The following KANSL1 variants were observed in gnomAD, a reference collection of about 807,000 sequenced individuals.
KANSL1 encodes KAT8 regulatory NSL complex subunit 1.
KANSL1 carries 22 observed loss-of-function variants against 103.6 expected under a neutral mutation model. The observed-to-expected ratio is 0.21, with a 90% CI of 0.15 to 0.30. KANSL1 has a LOEUF of 0.30. KANSL1 is among the 10% of genes least tolerant of loss of function. The probability of loss-of-function intolerance (pLI) is 1.00; values close to 1 mark genes in which losing one functional copy is unlikely to be tolerated. For missense variants in KANSL1, 1,337 were observed against 1,399.8 expected (o/e 0.96, Z 0.72); for synonymous variants, 600 against 527.6 (o/e 1.14, Z -1.88).
chr17:46,048,894 T>C (rs2077606418), intron 7 of KANSL1, among the ~76,000 whole-genome samples: 1 of 152,220 alleles, frequency 6.6e-6, no homozygotes, highest in African/African-American at 2.4e-5. Context: ...AAAACTTCTT[T>C]TAAACTTATT....
At chr17:46,098,917 G>A (rs114985269) in intron 2 of KANSL1, among the ~76,000 whole-genome samples, 443 of 152,328 alleles carry the variant, frequency 2.9e-3, no homozygotes, top group African/African-American at 9.9e-3. Flanking sequence ...CATGAGAGGT[G>A]TACAGTTAAC....
rs937131779 is a variant in KANSL1 at position 46,049,059 on chromosome 17, G to A, written c.2020+1474C>T. Among the ~76,000 whole-genome samples the A allele has an allele frequency of 1.3e-5, 2 of 152,224 alleles. 1 individual carries two copies. The highest frequency in any genetic ancestry group is 6.8e-3 in the Middle Eastern group (2 of 294). The stretch of plus-strand genomic sequence containing the variant: ...TTTAGTGGTACCCTCTGGTTTGGTA[G>A]ATCTGTTGCAGTCTTTTTGGAGAAT... On this transcript the variant is annotated intron_variant, in intron 7 of 14. Transcript: ENST00000432791.
At chr17:46,052,963 CCAAAAAAAAAAAAAAAAAAAAAAAAA>C (rs2077775341) in intron 6 of KANSL1, among the ~76,000 whole-genome samples, 1 of 43,140 alleles carries the variant, frequency 2.3e-5, no homozygotes, top group African/African-American at 1.0e-4. Flanking sequence ...GATCCTGTCT[CCAAAAAAAAAAAAAAAAAAAAAAAAA>C]AAAAAAAAAA....
chr17:46,215,897 C>T (rs912207935), intron 1 of KANSL1, among the ~76,000 whole-genome samples: 11 of 151,940 alleles, frequency 7.2e-5, no homozygotes, highest in African/African-American at 2.4e-4. Flanking sequence ...AAAAACTGGC[C>T]GGACGTGGTG....
chr17:46,065,209 T>A (rs2078334480), intron 6 of KANSL1, among the ~76,000 whole-genome samples: 1 of 151,776 alleles, frequency 6.6e-6, no homozygotes, highest in Non-Finnish European at 1.5e-5. Flanking sequence ...ACGCAAGTGA[T>A]CCTCCTTCCT....
At chr17:46,066,484 A>T in intron 6 of KANSL1, 53 bp downstream of exon 6, 1 of 1,479,552 alleles carries the variant, frequency 6.8e-7, no homozygotes, top group Non-Finnish European at 9.1e-7. Flanking sequence ...GACTAACTCT[A>T]TCTGAGCATC....
chr17:46,038,987 G>A (rs747332179), intron 9 of KANSL1, 40 bp downstream of exon 9: 3 of 1,589,164 alleles, frequency 1.9e-6, no homozygotes, highest in African/African-American at 2.7e-5. Context: ...GCCCTGAGCA[G>A]GTGCAGTTGC....
chr17:46,146,065 T>C (rs1442524735), intron 2 of KANSL1, among the ~76,000 whole-genome samples: 1 of 152,210 alleles, frequency 6.6e-6, no homozygotes. Flanking sequence ...ACTCATTCTT[T>C]TGTTCTCTAC....
At chr17:46,083,780 T>G (rs55987700) in intron 3 of KANSL1, among the ~76,000 whole-genome samples, 21,661 of 152,082 alleles carry the variant, frequency 0.14, 2,120 homozygotes, top group Non-Finnish European at 0.22. Context: ...CTTGATTAGT[T>G]TGGGCTCAAA....
intron 2 of KANSL1, among the ~76,000 whole-genome samples, chr17:46,129,635 A>G (rs937128111): frequency 3.9e-5 from 6 of 152,260 alleles, no homozygotes; most frequent in African/African-American, 1.4e-4. Context: ...CAGACAAAAT[A>G]TATTTAGCAA....
At chr17:46,036,670 CACTGCAGAT>C (rs997651679) in intron 10 of KANSL1, among the ~76,000 whole-genome samples, 13 of 152,080 alleles carry the variant, frequency 8.5e-5, no homozygotes, top group African/African-American at 2.9e-4. Flanking sequence ...AACCAATCCC[CACTGCAGAT>C]ACTGCAGATA....
chr17:46,059,090 T>G (rs1373028823), intron 6 of KANSL1, among the ~76,000 whole-genome samples: 1 of 149,582 alleles, frequency 6.7e-6, no homozygotes, highest in African/African-American at 2.5e-5. Flanking sequence ...AGAGCAGAGC[T>G]TTTGGTACTC....
intron 13 of KANSL1, among the ~76,000 whole-genome samples, chr17:46,032,766 C>A (rs1033475228): frequency 6.6e-6 from 1 of 152,124 alleles, no homozygotes; most frequent in Non-Finnish European, 1.5e-5. Context: ...TGTAGCGAGG[C>A]CTTCCAAGCT....
intron 1 of KANSL1, among the ~76,000 whole-genome samples, chr17:46,183,856 T>G (rs2046902740): frequency 6.6e-6 from 1 of 152,142 alleles, no homozygotes; most frequent in African/African-American, 2.4e-5. Context: ...GCGGCTGCAG[T>G]GAGCTGAGAT....
intron 2 of KANSL1, among the ~76,000 whole-genome samples, chr17:46,132,685 T>C (rs2043922861): frequency 6.6e-6 from 1 of 152,234 alleles, no homozygotes; most frequent in Non-Finnish European, 1.5e-5. Flanking sequence ...CAGTGGCTCT[T>C]GCCTGCAATC....
At chr17:46,204,485 C>A (rs2047902111) in intron 1 of KANSL1, among the ~76,000 whole-genome samples, 1 of 152,168 alleles carries the variant, frequency 6.6e-6, no homozygotes, top group African/African-American at 2.4e-5. Context: ...ACAGTTATAT[C>A]TTTAATTATT....
intron 2 of KANSL1, among the ~76,000 whole-genome samples, chr17:46,114,085 G>T (rs1262713809): frequency 6.6e-6 from 1 of 152,188 alleles, no homozygotes; most frequent in Non-Finnish European, 1.5e-5. Flanking sequence ...TCAGGGCCAG[G>T]CATGTTGGCT....
intron 2 of KANSL1, among the ~76,000 whole-genome samples, chr17:46,097,112 T>C (rs1352674294): frequency 2.0e-5 from 3 of 152,232 alleles, no homozygotes; most frequent in African/African-American, 4.8e-5. Context: ...GAGTCTGTAA[T>C]AGATAAAAAC....
rs1478356056 is a variant in KANSL1 at position 46,171,850 on chromosome 17, C to A, written c.294G>T (p.Leu98Phe). The A allele has an allele frequency of 6.2e-7, 1 of 1,614,232 alleles. No individual in the cohort carries two copies. Among genetic ancestry groups the A allele is most frequent in the Admixed American group, 1.7e-5 (1 of 60,032 alleles). ...CTGTCTGCTTGCTGAAGACCCCTTG[C>A]AACTTCAAAGACTCCTTTGAGGGAA... ...TSVPSKESLK[L>F]QGVFSKQTVL... is the part of the protein sequence containing the mutation. Residue 98 changes from leucine (L) to phenylalanine (F), a missense_variant, in exon 2 of 15, where the codon TTG becomes TTT. This residue lies in a region of KANSL1 where 557 missense variants were observed against 476.4 expected (regional missense o/e 1.17). Coordinates refer to ENST00000432791, the MANE Select transcript of KANSL1 (RefSeq NM_015443.4).
Sources: gnomAD v4.1 joint callset for allele counts (sites outside exome capture counted in the v4.1 genomes callset) on GRCh38, gnomAD v4.1.1 for gene constraint, gnomAD v4.1.1 regional missense constraint, MANE v1.5 for transcripts, NCBI Gene and HGNC (gene_info 2026-07-23, HGNC 2026-07-21) for gene names.